The following PERP variants were observed in gnomAD, a reference collection of about 807,000 sequenced individuals.
PERP encodes the protein p53 apoptosis effector related to PMP-22.
PERP carries 11 observed loss-of-function variants against 20.3 expected under a neutral mutation model. The observed-to-expected ratio is 0.54, with a 90% CI of 0.34 to 0.90. The LOEUF (loss-of-function observed/expected upper bound fraction) is 0.90. PERP is among the 40% of genes least tolerant of loss of function. The pLI, the probability that PERP is intolerant of heterozygous loss-of-function variation, is 0.02. For missense variants in PERP, 224 were observed against 249.4 expected (o/e 0.90, Z 0.69); for synonymous variants, 101 against 102.0 (o/e 0.99, Z 0.06).
intron 1 of PERP, among the ~76,000 whole-genome samples, chr6:138,096,757 A>G (rs1279015095): frequency 1.3e-5 from 2 of 152,212 alleles, no homozygotes; most frequent in East Asian, 3.8e-4. Context: ...CTCTGAAATG[A>G]AAGTCAAACT....
intron 1 of PERP, among the ~76,000 whole-genome samples, chr6:138,097,551 G>T (rs1430375824): frequency 6.6e-6 from 1 of 152,088 alleles, no homozygotes; most frequent in Non-Finnish European, 1.5e-5. Context: ...TGATGGTGAA[G>T]ACTTTAGTGC....
intron 1 of PERP, among the ~76,000 whole-genome samples, chr6:138,101,239 A>G (rs1775767107): frequency 6.6e-6 from 1 of 152,008 alleles, no homozygotes; most frequent in Admixed American, 6.5e-5. Context: ...GTGTGGTGGC[A>G]CACGCCTGTA....
At chr6:138,106,717 C>A (rs1297553948) in intron 1 of PERP, among the ~76,000 whole-genome samples, 1 of 151,900 alleles carries the variant, frequency 6.6e-6, no homozygotes, top group Non-Finnish European at 1.5e-5. Flanking sequence ...AGGGAAGGCA[C>A]GTTATTTCAA....
Position 138,107,103 on chromosome 6 carries a change from A to G in PERP, c.214+24T>C, listed in dbSNP as rs370618901. On this transcript the variant is annotated intron_variant, in intron 1 of 2. Coordinates refer to ENST00000421351, the MANE Select transcript of PERP (RefSeq NM_022121.5). This position sits in a 1 kb window ranked among gnomAD's most constrained non-coding sequence, Gnocchi z 4.8. ...CCCCGAGGGCTTCCTGGAGGCGGCG[A>G]CGGCGGCGGCGGCGGGCACTCACCG... The G allele has an allele frequency of 1.2e-3, 1,875 of 1,572,622 alleles. 19 individuals are homozygous for G. In the African/African-American group the frequency reaches 0.02, roughly 16 times the overall value.
chr6:138,100,158 G>T (rs1021800912), intron 1 of PERP, among the ~76,000 whole-genome samples: 22 of 152,140 alleles, frequency 1.4e-4, no homozygotes, highest in African/African-American at 5.1e-4. Context: ...TCTGAGCAGG[G>T]TCCTCCCAGC....
At chr6:138,106,985 G>T in intron 1 of PERP, 142 bp downstream of exon 1, 1 of 765,492 alleles carries the variant, frequency 1.3e-6, no homozygotes, top group Non-Finnish European at 2.0e-6. Flanking sequence ...GGATGCATGA[G>T]CCCGAGCTCG....
chr6:138,100,912 A>G (rs1182263367), intron 1 of PERP, among the ~76,000 whole-genome samples: 1 of 152,222 alleles, frequency 6.6e-6, no homozygotes, highest in Non-Finnish European at 1.5e-5. Context: ...TTTAACGATC[A>G]CCAACAAAAC....
intron 1 of PERP, among the ~76,000 whole-genome samples, chr6:138,099,811 A>AAGCCAAG (rs1210199674): frequency 6.6e-6 from 1 of 152,206 alleles, no homozygotes; most frequent in Non-Finnish European, 1.5e-5. Flanking sequence ...ACCTAACCTA[A>AAGCCAAG]AGCCAAGACG....
Position 138,091,974 on chromosome 6 carries a change from G to A in PERP, c.*68C>T. On this transcript the variant is annotated 3_prime_UTR_variant, in exon 3 of 3. Transcript: ENST00000421351. ...CCAAAAAATGGGTTCAAAGTCGCCTGGAGAAACAGTTTCTTCTTCTGGAGT... is the reference window on the plus strand; with the variant it reads ...CCAAAAAATGGGTTCAAAGTCGCCTAGAGAAACAGTTTCTTCTTCTGGAGT... 1 of 1,469,522 alleles carries A rather than the reference G, an allele frequency of 6.8e-7. No homozygotes were observed. The highest frequency in any genetic ancestry group is 9.3e-7 in the Non-Finnish European group (1 of 1,075,116). The allele number at this position is 1,469,522 out of a possible 1,614,324, so 91.0% of individuals were successfully genotyped here.
At chr6:138,104,515 G>A (rs900474327) in intron 1 of PERP, among the ~76,000 whole-genome samples, 21 of 151,958 alleles carry the variant, frequency 1.4e-4, no homozygotes, top group African/African-American at 3.9e-4. Flanking sequence ...ATATTCATTC[G>A]GATTATTGTC....
Position 138,092,233 on chromosome 6 carries a change from C to A in PERP, c.391G>T (p.Val131Leu). The A allele has an allele frequency of 6.2e-7, 1 of 1,613,840 alleles. No individual in the cohort carries two copies. Among genetic ancestry groups the A allele is most frequent in the South Asian group, 1.1e-5 (1 of 91,046 alleles). The change falls in exon 3 of 3, where the codon GTG becomes TTG. Residue 131 changes from valine to leucine, a missense_variant. Physicochemically the swap from Val to Leu is conservative, Grantham distance 32. Transcript: ENST00000421351. ...AGGGTGAAGGTCTGGGTGTACTTCA[C>A]GGGGTAAATTACCAGGGAGATGATC... ...FQIISLVIYPVKYTQTFTLHA... is the reference protein window; with the variant it reads ...FQIISLVIYPLKYTQTFTLHA...
intron 1 of PERP, among the ~76,000 whole-genome samples, chr6:138,101,194 T>C (rs57230984): frequency 0.47 from 70,646 of 151,750 alleles, 16,908 homozygotes; most frequent in East Asian, 0.71. Context: ...CATGGTGAAA[T>C]CCCCATCTCT....
intron 1 of PERP, 139 bp downstream of exon 1, chr6:138,106,988 C>G (rs956649843): frequency 4.0e-6 from 3 of 743,402 alleles, no homozygotes; most frequent in East Asian, 4.0e-5. Flanking sequence ...TGCATGAGCC[C>G]GAGCTCGTCC....
chr6:138,097,697 GAC>G (rs1775716406), intron 1 of PERP, among the ~76,000 whole-genome samples: 1 of 152,122 alleles, frequency 6.6e-6, no homozygotes, highest in Non-Finnish European at 1.5e-5. Flanking sequence ...AAATGGTTTA[GAC>G]AGAGTTTGAT....
intron 2 of PERP, 98 bp downstream of exon 2, chr6:138,096,256 A>T: frequency 7.0e-7 from 1 of 1,428,528 alleles, no homozygotes; most frequent in Non-Finnish European, 9.5e-7. Flanking sequence ...AACAGATTAG[A>T]AACTGTAACA....
intron 2 of PERP, among the ~76,000 whole-genome samples, 159 bp downstream of exon 2, chr6:138,096,195 T>TAA (rs1775688327): frequency 1.3e-5 from 2 of 152,286 alleles, no homozygotes; most frequent in African/African-American, 4.8e-5. Context: ...AACCAGATCT[T>TAA]AAAACACATC....
chr6:138,107,393 C>A lies in PERP; in HGVS notation c.-53G>T, dbSNP rs576547594. ...AGCGGAGCGGAGCGGGTCGGAGGAG[C>A]GCGCGGGACGGGCGACAGCAGAGAG... On this transcript the variant is annotated 5_prime_UTR_variant, in exon 1 of 3. Transcript: ENST00000421351. This position sits in a 1 kb window ranked among gnomAD's most constrained non-coding sequence, Gnocchi z 4.8. The A allele has an allele frequency of 3.9e-5, 54 of 1,386,846 alleles. No homozygotes were observed. Among genetic ancestry groups the A allele is most frequent in the South Asian group, 2.1e-4 (13 of 62,118 alleles). 85.9% of individuals were successfully genotyped at this position (1,386,846 alleles called of 1,614,324 possible). A position where few individuals can be genotyped will look rare whatever the true frequency, so the allele number is the denominator to read the frequency against.
At chr6:138,099,463 C>T (rs1427530640) in intron 1 of PERP, among the ~76,000 whole-genome samples, 4 of 151,992 alleles carry the variant, frequency 2.6e-5, no homozygotes, top group Non-Finnish European at 5.9e-5. Flanking sequence ...TGAAAGGAAA[C>T]ATATCTATAT....
In PERP at chr6:138,101,973, G is replaced by C. The variant is rs73774625; in HGVS notation, c.214+5154C>G. 3.5e-3 allele frequency among the ~76,000 whole-genome samples: 528 copies of C among 152,268 alleles called. 4 individuals carry two copies. The highest frequency in any genetic ancestry group is 0.012 in the African/African-American group (508 of 41,538). On this transcript the variant is annotated intron_variant, in intron 1 of 2. Coordinates refer to ENST00000421351, the MANE Select transcript of PERP (RefSeq NM_022121.5). ...CAACAACCACCCAGATAATTCTGCT[G>C]TCCTGGTTTGCGACACTTAGAGCAG...
Sources: gnomAD v4.1 joint callset for allele counts (sites outside exome capture counted in the v4.1 genomes callset) on GRCh38, gnomAD v4.1.1 for gene constraint, Gnocchi (gnomAD v3.1) non-coding constraint, MANE v1.5 for transcripts, NCBI Gene and HGNC (gene_info 2026-07-23, HGNC 2026-07-21) for gene names.